ATAD2: variants seen among roughly 807,000 people sequenced by gnomAD.
ATAD2 encodes ATPase family AAA domain containing 2.
ATAD2 carries 62 observed loss-of-function variants against 168.9 expected under a neutral mutation model. The ratio of observed to expected loss-of-function variants is 0.37; its 90% CI spans 0.30 to 0.45. The LOEUF is 0.45. Among genes scored for constraint, ATAD2 ranks in the 20% least tolerant of loss-of-function variants. The pLI is 1.00. For synonymous variants in ATAD2, 613 were observed against 571.6 expected (o/e 1.07, Z -1.03); for missense variants, 1,419 against 1,667.8 (o/e 0.85, Z 2.60).
At position 123,328,177 on chromosome 8, in the gene ATAD2, G is replaced by A; in HGVS notation, c.3868+13C>T. 1 of 1,359,872 alleles carries A rather than the reference G, an allele frequency of 7.4e-7. No homozygotes were observed. Among genetic ancestry groups the A allele is most frequent in the Non-Finnish European group, 9.5e-7 (1 of 1,051,684 alleles). 84.2% of individuals were successfully genotyped at this position (1,359,872 alleles called of 1,614,324 possible). A position where few individuals can be genotyped will look rare whatever the true frequency, so the allele number is the denominator to read the frequency against. ...TTAAAATCAGTAAATTATTTTAATTGAAAAAGACGTACCTTTTCCTTCATT... is the reference window on the plus strand; with the variant it reads ...TTAAAATCAGTAAATTATTTTAATTAAAAAAGACGTACCTTTTCCTTCATT... On this transcript the variant is annotated intron_variant, in intron 25 of 27. Coordinates refer to ENST00000287394, the MANE Select transcript of ATAD2 (RefSeq NM_014109.4).
chr8:123,413,398 A>G (rs549492077), intron 1 of ATAD2, among the ~76,000 whole-genome samples: 2 of 152,178 alleles, frequency 1.3e-5, no homozygotes, highest in Non-Finnish European at 2.9e-5. Flanking sequence ...TTTTGACAGT[A>G]CCTATGTTCT....
chr8:123,336,608 A>G, intron 21 of ATAD2, 76 bp from the exon 22 acceptor site: 1 of 1,101,912 alleles, frequency 9.1e-7, no homozygotes, highest in South Asian at 2.1e-5. Context: ...GATGCCAGGC[A>G]ATATAGGAGA....
At position 123,369,915 on chromosome 8, in the gene ATAD2, A is replaced by ATCT. The variant is rs755157322; in HGVS notation, c.834_836dup (p.Glu278dup). 14 of 1,583,228 alleles carry ATCT rather than the reference A, an allele frequency of 8.8e-6. No homozygotes were observed. Among genetic ancestry groups the ATCT allele is most frequent in the African/African-American group, 1.5e-5 (1 of 64,846 alleles). On this transcript the variant is annotated inframe_insertion, in exon 7 of 28. Coordinates refer to ENST00000287394, the MANE Select transcript of ATAD2 (RefSeq NM_014109.4). The stretch of plus-strand genomic sequence containing the variant: ...CTTCTCCATCTTCTTCATCTTCATC[A>ATCT]TCTTCATCATCATCATCATCATCAT...
intron 2 of ATAD2, among the ~76,000 whole-genome samples, chr8:123,374,494 C>A (rs1829248195): frequency 6.6e-6 from 1 of 152,212 alleles, no homozygotes; most frequent in African/African-American, 2.4e-5. Flanking sequence ...AACCAGGCCC[C>A]TTTCAGATGC....
intron 1 of ATAD2, among the ~76,000 whole-genome samples, chr8:123,387,597 T>G (rs931616831): frequency 6.6e-6 from 1 of 152,184 alleles, no homozygotes. Flanking sequence ...ATATTCTCAT[T>G]TATTCTTTGG....
chr8:123,385,142 G>A (rs2129891626), intron 1 of ATAD2, among the ~76,000 whole-genome samples: 1 of 152,252 alleles, frequency 6.6e-6, no homozygotes, highest in South Asian at 2.1e-4. Context: ...TACCATTACA[G>A]CTATACAGGT....
At chr8:123,389,984 A>ATATATAT (rs1232318597) in intron 1 of ATAD2, among the ~76,000 whole-genome samples, 6 of 115,186 alleles carry the variant, frequency 5.2e-5, no homozygotes, top group Admixed American at 2.6e-4. Flanking sequence ...ATATATATAT[A>ATATATAT]TTTTTTTTTT....
At chr8:123,362,100 G>A (rs566858419) in intron 8 of ATAD2, among the ~76,000 whole-genome samples, 1 of 152,108 alleles carries the variant, frequency 6.6e-6, no homozygotes, top group South Asian at 2.1e-4. Context: ...AAAATCATTC[G>A]AGCAACTTGG....
chr8:123,329,746 CAAAAAAAAAAAAAAA>C (rs68104102), intron 24 of ATAD2, among the ~76,000 whole-genome samples: 1 of 84,386 alleles, frequency 1.2e-5, no homozygotes, highest in African/African-American at 5.0e-5. Context: ...AACTCCGTCT[CAAAAAAAAAAAAAAA>C]AAAAAAAAAA....
chr8:123,345,094 T>G, intron 18 of ATAD2, 25 bp from the exon 19 acceptor site: 1 of 1,568,562 alleles, frequency 6.4e-7, no homozygotes, highest in Non-Finnish European at 8.7e-7. Flanking sequence ...ACAAAACAAA[T>G]TCAGTTAGAG....
At chr8:123,330,982 G>A (rs1827759934) in intron 24 of ATAD2, among the ~76,000 whole-genome samples, 1 of 152,100 alleles carries the variant, frequency 6.6e-6, no homozygotes, top group African/African-American at 2.4e-5. Context: ...GAAGGCAGTG[G>A]CACGATCTTG....
chr8:123,354,864 A>AT (rs1252391256), intron 13 of ATAD2, among the ~76,000 whole-genome samples: 3 of 64,714 alleles, frequency 4.6e-5, no homozygotes, highest in African/African-American at 1.7e-4. Context: ...AAAAAAAAAA[A>AT]ATATATATAT....
chr8:123,370,155 A>G (rs909400256), intron 6 of ATAD2, 131 bp from the exon 7 acceptor site: 29 of 808,892 alleles, frequency 3.6e-5, no homozygotes, highest in Admixed American at 7.3e-5. Context: ...AAAAACAACA[A>G]AAAAAAACCA....
chr8:123,324,806 G>T (rs1295688629), intron 26 of ATAD2, among the ~76,000 whole-genome samples: 1 of 152,168 alleles, frequency 6.6e-6, no homozygotes, highest in South Asian at 2.1e-4. Context: ...GATGAAAATT[G>T]AATTTAGGGG....
At chr8:123,407,814 C>T (rs1224113241) in intron 1 of ATAD2, among the ~76,000 whole-genome samples, 3 of 151,430 alleles carry the variant, frequency 2.0e-5, no homozygotes, top group East Asian at 3.9e-4. Context: ...GATTGCGTCA[C>T]TGCACTCCAG....
chr8:123,380,867 GT>G, intron 1 of ATAD2, 190 bp from the exon 2 acceptor site: 1 of 578,536 alleles, frequency 1.7e-6, no homozygotes, highest in Non-Finnish European at 3.0e-6. Flanking sequence ...TATCAGCAAT[GT>G]CTATGAAGCA....
intron 1 of ATAD2, among the ~76,000 whole-genome samples, chr8:123,389,133 A>ATTTTTTT (rs71310669): frequency 7.7e-6 from 1 of 129,580 alleles, no homozygotes; most frequent in Admixed American, 8.0e-5. Flanking sequence ...CGCCCGGCTA[A>ATTTTTTT]TTTTTTTTTT....
intron 8 of ATAD2, among the ~76,000 whole-genome samples, chr8:123,367,087 A>G (rs1463617331): frequency 6.6e-5 from 10 of 152,190 alleles, no homozygotes; most frequent in Non-Finnish European, 8.8e-5. Flanking sequence ...TAAAAATCTG[A>G]CACCCACAAA....
At chr8:123,351,846 C>T (rs1191486785) in intron 13 of ATAD2, among the ~76,000 whole-genome samples, 1 of 150,830 alleles carries the variant, frequency 6.6e-6, no homozygotes, top group Admixed American at 6.6e-5. Context: ...CTCCCGGGTT[C>T]GTGCCATTCT....
Sources: gnomAD v4.1 joint callset for allele counts (sites outside exome capture counted in the v4.1 genomes callset) on GRCh38, gnomAD v4.1.1 for gene constraint, MANE v1.5 for transcripts, NCBI Gene and HGNC (gene_info 2026-07-23, HGNC 2026-07-21) for gene names.